IRAK1BP1: variants seen among roughly 807,000 people sequenced by gnomAD.
IRAK1BP1 encodes interleukin-1 receptor-associated kinase 1-binding protein 1.
Under a neutral mutation model 28.0 loss-of-function variants are expected in IRAK1BP1, and 24 were observed. That is an observed-to-expected ratio of 0.86 (90% CI 0.62 to 1.20). IRAK1BP1 has a LOEUF of 1.20. Ranked by LOEUF, IRAK1BP1 falls within the 50% of genes most tolerant of loss-of-function variation. The pLI is 0.00. For synonymous variants in IRAK1BP1, 131 were observed against 116.3 expected (o/e 1.13, Z -0.81); for missense variants, 336 against 316.7 (o/e 1.06, Z -0.46).
At chr6:78,956,927 T>G in the IRAK1BP1 span, 1 of 152,086 alleles carries the variant, frequency 6.6e-6, no homozygotes, top group African/African-American at 2.4e-5. Context: ...TCCATCACAT[T>G]ACTTTGTATG....
intron 4 of IRAK1BP1, among the ~76,000 whole-genome samples, chr6:78,926,430 G>C (rs552786131): frequency 5.9e-4 from 90 of 152,142 alleles, no homozygotes; most frequent in Middle Eastern, 3.4e-3. Flanking sequence ...GTACGTGGTA[G>C]GTGTGTATAT....
chr6:78,947,872 G>A (rs1773913322), downstream of IRAK1BP1: 1 of 743,212 alleles, frequency 1.3e-6, no homozygotes, highest in Non-Finnish European at 2.2e-6. Context: ...ATGACTGCAA[G>A]TCCTAGAACT....
At chr6:78,951,114 G>A (rs960908449), downstream of IRAK1BP1, among the ~76,000 whole-genome samples, 1 of 152,052 alleles carries the variant, frequency 6.6e-6, no homozygotes, top group East Asian at 1.9e-4. Flanking sequence ...ATTTAGAGGT[G>A]GGCTCTTTCG....
intron 2 of IRAK1BP1, among the ~76,000 whole-genome samples, chr6:78,886,433 T>A (rs1562081715): frequency 6.6e-6 from 1 of 152,212 alleles, no homozygotes; most frequent in African/African-American, 2.4e-5. Flanking sequence ...TCATTATGAT[T>A]TTAGGGATCC....
intron 2 of IRAK1BP1, among the ~76,000 whole-genome samples, chr6:78,896,331 GAA>G (rs35774009): frequency 0.015 from 1,364 of 93,030 alleles, 17 homozygotes; most frequent in African/African-American, 0.042. Context: ...AACCTAAATG[GAA>G]AAAAAAAAAA....
In IRAK1BP1 at chr6:78,884,463, T is replaced by A. The variant is rs1051821907; in HGVS notation, c.316-915T>A. Among the ~76,000 whole-genome samples the A allele has an allele frequency of 4.6e-5, 7 of 152,298 alleles. No homozygotes were observed. In the East Asian group the frequency reaches 5.8e-4, roughly 13 times the overall value. ...AAATTCAACTTTTTTGTCAGTATTATATGCCTTGTATTTACCCTGAGAATA... is the reference window on the plus strand; with the variant it reads ...AAATTCAACTTTTTTGTCAGTATTAAATGCCTTGTATTTACCCTGAGAATA... On this transcript the variant is annotated intron_variant, in intron 1 of 3. Coordinates refer to ENST00000369940, the MANE Select transcript of IRAK1BP1 (RefSeq NM_001010844.4).
chr6:78,955,653 A>G, the IRAK1BP1 span: 4 of 1,096,268 alleles, frequency 3.6e-6, no homozygotes, highest in Non-Finnish European at 5.5e-6. Context: ...TGAATTATAA[A>G]GTGGAATTAT....
In IRAK1BP1 at chr6:78,902,065, A is replaced by G. The variant is rs1772122583; in HGVS notation, c.*3731A>G. ...AATGCTTTATTTATTCCAACAAAAA[A>G]AGACCTATATAAATTAGTTTAAGCT... On this transcript the variant is annotated 3_prime_UTR_variant, in exon 4 of 4. Transcript: ENST00000369940. 6.6e-6 allele frequency: 1 copy of G among 152,246 alleles called. No homozygotes were observed. Among genetic ancestry groups the G allele is most frequent in the Non-Finnish European group, 1.5e-5 (1 of 68,054 alleles). 9.4% of individuals were successfully genotyped at this position (152,246 alleles called of 1,614,324 possible).
Position 78,867,837 on chromosome 6 carries a change from C to T in IRAK1BP1, c.261C>T (p.Ser87=), listed in dbSNP as rs866804003. 9 of 1,610,584 alleles carry T rather than the reference C, an allele frequency of 5.6e-6. No individual in the cohort carries two copies. In the Middle Eastern group the frequency reaches 8.2e-4, roughly 147 times the overall value. Residue 87 remains serine (S), a synonymous_variant, in exon 1 of 4, where the codon AGC becomes AGT. Coordinates refer to ENST00000369940, the MANE Select transcript of IRAK1BP1 (RefSeq NM_001010844.4). Reference sequence around the variant, plus strand: ...AGGCGGCAGCCGAGGCCAAAAAGAGCGTTTGTCGCCGTCTAGATTACATCA... The same window carrying T: ...AGGCGGCAGCCGAGGCCAAAAAGAGTGTTTGTCGCCGTCTAGATTACATCA... The part of the protein sequence containing the change: ...TKEAAAEAKK[S]VCRRLDYITQ...
chr6:78,969,084 G>A, the IRAK1BP1 span, among the ~76,000 whole-genome samples: 1 of 152,012 alleles, frequency 6.6e-6, no homozygotes, highest in African/African-American at 2.4e-5. Flanking sequence ...AAACTTCTAG[G>A]GAAATGGAAC....
intron 4 of IRAK1BP1, among the ~76,000 whole-genome samples, chr6:78,920,884 G>A (rs749709864): frequency 6.6e-6 from 1 of 152,140 alleles, no homozygotes; most frequent in African/African-American, 2.4e-5. Flanking sequence ...TGCAAACTAT[G>A]CATCTGAAAA....
At chr6:78,890,005 G>C (rs1005735011) in intron 2 of IRAK1BP1, among the ~76,000 whole-genome samples, 1 of 152,068 alleles carries the variant, frequency 6.6e-6, no homozygotes, top group African/African-American at 2.4e-5. Context: ...CAACAGCAAC[G>C]ACTTGGAACC....
At chr6:78,937,654 G>A (rs918130923) in intron 4 of IRAK1BP1, 3 of 150,252 alleles carry the variant, frequency 2.0e-5, no homozygotes, top group African/African-American at 7.2e-5. Context: ...TAGTGAAGTT[G>A]TGCAATAAAA....
At chr6:78,912,106 T>A (rs1488874159) in intron 4 of IRAK1BP1, among the ~76,000 whole-genome samples, 3 of 152,168 alleles carry the variant, frequency 2.0e-5, no homozygotes, top group Non-Finnish European at 4.4e-5. Context: ...ACCAGGGACA[T>A]GTGACTCCTC....
intron 1 of IRAK1BP1, among the ~76,000 whole-genome samples, chr6:78,872,919 G>A (rs896773392): frequency 1.3e-5 from 2 of 151,568 alleles, no homozygotes; most frequent in Non-Finnish European, 2.9e-5. Context: ...TTTTTCTATT[G>A]TCTTTACCTT....
At chr6:78,952,839 A>AC in the IRAK1BP1 span, among the ~76,000 whole-genome samples, 1 of 151,200 alleles carries the variant, frequency 6.6e-6, no homozygotes, top group African/African-American at 2.4e-5. Context: ...TATCTATCAA[A>AC]GTTTAACTCA....
At chr6:78,880,649 A>G (rs1398357299) in intron 1 of IRAK1BP1, among the ~76,000 whole-genome samples, 4 of 152,188 alleles carry the variant, frequency 2.6e-5, no homozygotes, top group Non-Finnish European at 4.4e-5. Flanking sequence ...CTGATGAAGG[A>G]CTTGTATCAA....
intron 2 of IRAK1BP1, among the ~76,000 whole-genome samples, chr6:78,886,488 T>A (rs900217000): frequency 2.0e-5 from 3 of 152,204 alleles, no homozygotes; most frequent in African/African-American, 7.2e-5. Context: ...GAAAAATACC[T>A]TTCAAAACAG....
At chr6:78,940,777 G>A (rs144867793) in intron 4 of IRAK1BP1, 3 of 1,613,596 alleles carry the variant, frequency 1.9e-6, no homozygotes, top group African/African-American at 1.3e-5. Context: ...TTAAAGAGGT[G>A]TCTTCGAACA....
Sources: gnomAD v4.1 joint callset for allele counts (sites outside exome capture counted in the v4.1 genomes callset) on GRCh38, gnomAD v4.1.1 for gene constraint, MANE v1.5 for transcripts, NCBI Gene and HGNC (gene_info 2026-07-23, HGNC 2026-07-21) for gene names.